CRIM1: variants seen among roughly 807,000 people sequenced by gnomAD.
CRIM1 encodes the protein cysteine-rich motor neuron 1 protein.
CRIM1 carries 32 observed loss-of-function variants against 116.4 expected under a neutral mutation model. That is an observed-to-expected ratio of 0.27 (90% confidence interval 0.21 to 0.37). The LOEUF (loss-of-function observed/expected upper bound fraction) is 0.37. Among genes scored for constraint, CRIM1 ranks in the 10% least tolerant of loss-of-function variants. The probability of loss-of-function intolerance (pLI) is 1.00; values close to 1 mark genes in which losing one functional copy is unlikely to be tolerated. For synonymous variants in CRIM1, 590 were observed against 509.2 expected (o/e 1.16, Z -2.13); for missense variants, 1,331 against 1,354.8 (o/e 0.98, Z 0.28).
chr2:36,465,809 C>T (rs950107620), intron 5 of CRIM1, among the ~76,000 whole-genome samples: 5 of 152,090 alleles, frequency 3.3e-5, no homozygotes, highest in African/African-American at 1.2e-4. Context: ...CTAAAATGGA[C>T]TGAATAACAG....
chr2:36,530,562 C>A (rs1011779157), intron 13 of CRIM1, among the ~76,000 whole-genome samples: 1 of 152,142 alleles, frequency 6.6e-6, no homozygotes, highest in African/African-American at 2.4e-5. Context: ...TATTTTATTC[C>A]TTTGTGGCTT....
intron 7 of CRIM1, among the ~76,000 whole-genome samples, chr2:36,491,957 G>T (rs1680255947): frequency 1.3e-5 from 2 of 152,130 alleles, no homozygotes; most frequent in Admixed American, 1.3e-4. Flanking sequence ...TGATAATTTT[G>T]TGAGCTATCT....
At chr2:36,447,148 A>C (rs949712006) in intron 4 of CRIM1, among the ~76,000 whole-genome samples, 8 of 152,206 alleles carry the variant, frequency 5.3e-5, no homozygotes, top group African/African-American at 1.9e-4. Flanking sequence ...ATGAGAATGG[A>C]GATTGAGATA....
At chr2:36,520,723 GA>G (rs1297204004) in intron 12 of CRIM1, among the ~76,000 whole-genome samples, 1 of 152,198 alleles carries the variant, frequency 6.6e-6, no homozygotes, top group East Asian at 1.9e-4. Flanking sequence ...GGTCCACAAT[GA>G]AGTAACTGCC....
At chr2:36,477,529 C>T (rs1309382340) in intron 6 of CRIM1, among the ~76,000 whole-genome samples, 2 of 152,168 alleles carry the variant, frequency 1.3e-5, no homozygotes, top group Non-Finnish European at 2.9e-5. Context: ...ATACCCAGGA[C>T]CCTCCAGGGA....
chr2:36,363,084 C>A (rs1329299123), intron 1 of CRIM1, among the ~76,000 whole-genome samples: 2 of 151,634 alleles, frequency 1.3e-5, no homozygotes, highest in Non-Finnish European at 2.9e-5. Context: ...CCTGTAATCC[C>A]AGCTACTAGG....
chr2:36,462,369 A>T (rs528860983), intron 4 of CRIM1, among the ~76,000 whole-genome samples: 1 of 152,312 alleles, frequency 6.6e-6, no homozygotes, highest in South Asian at 2.1e-4. Flanking sequence ...TAAATTGTAA[A>T]TTTTTTAAAC....
intron 7 of CRIM1, among the ~76,000 whole-genome samples, chr2:36,489,029 A>C (rs1430445337): frequency 1.3e-5 from 2 of 152,198 alleles, no homozygotes; most frequent in Non-Finnish European, 2.9e-5. Flanking sequence ...TTTTCTAGCT[A>C]AAATTTACCT....
At chr2:36,529,934 T>G (rs1666000932) in intron 13 of CRIM1, among the ~76,000 whole-genome samples, 1 of 152,218 alleles carries the variant, frequency 6.6e-6, no homozygotes, top group Admixed American at 6.5e-5. Context: ...CCAAATCTGC[T>G]TTCACAGCAA....
chr2:36,436,214 G>GA (rs1285799531), intron 2 of CRIM1, among the ~76,000 whole-genome samples: 3 of 152,038 alleles, frequency 2.0e-5, no homozygotes, highest in African/African-American at 7.2e-5. Context: ...AAAGGTTTCA[G>GA]AAAAACAATT....
chr2:36,451,391 C>T (rs1009969494), intron 4 of CRIM1, among the ~76,000 whole-genome samples: 1 of 152,100 alleles, frequency 6.6e-6, no homozygotes, highest in African/African-American at 2.4e-5. Flanking sequence ...TAAGAAAAAC[C>T]ATACAGTAAT....
At chr2:36,417,366 A>G (rs1264996437) in intron 2 of CRIM1, among the ~76,000 whole-genome samples, 1 of 152,204 alleles carries the variant, frequency 6.6e-6, no homozygotes, top group East Asian at 1.9e-4. Context: ...CAATATTAAC[A>G]TATTTCAATT....
Position 36,547,133 on chromosome 2 carries a change from T to G in CRIM1, c.2896T>G (p.Trp966Gly), listed in dbSNP as rs765248684. ...CCTATTCATCAATCAGAAGAAACAG[T>G]GGATACCACTGCTTTGCTGGTATCG... ...AFLFINQKKQ[W>G]IPLLCWYRTP... Residue 966 changes from tryptophan (W) to glycine (G), a missense_variant, in exon 16 of 17, where the codon TGG becomes GGG. Coordinates refer to ENST00000280527, the MANE Select transcript of CRIM1 (RefSeq NM_016441.3). 6.2e-7 allele frequency: 1 copy of G among 1,613,276 alleles called. No individual in the cohort carries two copies. Among genetic ancestry groups the G allele is most frequent in the Non-Finnish European group, 8.5e-7 (1 of 1,179,492 alleles).
rs1477051 is a variant in CRIM1 at position 36,432,728 on chromosome 2, G to A, written c.506-8530G>A. The stretch of plus-strand genomic sequence containing the variant: ...TCCTGGGAGTGTAGAGGATGAAGGG[G>A]TTGAGGGTCCCTAGAACAATAGGTC... On this transcript the variant is annotated intron_variant, in intron 2 of 16. Coordinates refer to ENST00000280527, the MANE Select transcript of CRIM1 (RefSeq NM_016441.3). 2.1e-3 allele frequency among the ~76,000 whole-genome samples: 321 copies of A among 152,160 alleles called. 2 individuals are homozygous for A. Among genetic ancestry groups the A allele is most frequent in the African/African-American group, 6.8e-3 (281 of 41,496 alleles).
At chr2:36,538,454 T>C (rs993730732) in intron 14 of CRIM1, among the ~76,000 whole-genome samples, 3 of 152,176 alleles carry the variant, frequency 2.0e-5, no homozygotes, top group South Asian at 2.1e-4. Flanking sequence ...TCGATTCTCA[T>C]GTTTTCTCGC....
chr2:36,460,507 T>C (rs1486398519), intron 4 of CRIM1, among the ~76,000 whole-genome samples: 1 of 152,224 alleles, frequency 6.6e-6, no homozygotes, highest in Non-Finnish European at 1.5e-5. Flanking sequence ...AATTGTGTAC[T>C]TTAAAAGGGT....
intron 2 of CRIM1, among the ~76,000 whole-genome samples, chr2:36,405,125 A>G (rs1672690188): frequency 6.6e-6 from 1 of 152,178 alleles, no homozygotes; most frequent in Non-Finnish European, 1.5e-5. Flanking sequence ...TTAGAAAGAA[A>G]TATTATGCCA....
chr2:36,488,527 C>T (rs974582420), intron 7 of CRIM1, among the ~76,000 whole-genome samples: 9 of 152,152 alleles, frequency 5.9e-5, no homozygotes, highest in African/African-American at 1.9e-4. Flanking sequence ...TTGAGCAATA[C>T]GGGACATGTA....
chr2:36,417,883 T>G (rs1439707262), intron 2 of CRIM1, among the ~76,000 whole-genome samples: 4 of 152,076 alleles, frequency 2.6e-5, no homozygotes, highest in Non-Finnish European at 5.9e-5. Flanking sequence ...ACTAGGAAAA[T>G]CAGAAATTGT....
Sources: gnomAD v4.1 joint callset for allele counts (sites outside exome capture counted in the v4.1 genomes callset) on GRCh38, gnomAD v4.1.1 for gene constraint, MANE v1.5 for transcripts, NCBI Gene and HGNC (gene_info 2026-07-23, HGNC 2026-07-21) for gene names.